Variants in CLSTN2 observed in about 807,000 individuals in gnomAD.
CLSTN2 encodes the protein calsyntenin 2.
CLSTN2 carries 48 observed loss-of-function variants against 101.2 expected under a neutral mutation model. The observed-to-expected ratio is 0.47, with a 90% CI of 0.38 to 0.60. The LOEUF is 0.60. Among genes scored for constraint, CLSTN2 ranks in the 20% least tolerant of loss-of-function variants. The pLI is 0.00. For synonymous variants in CLSTN2, 481 were observed against 463.6 expected, an observed-to-expected ratio of 1.04 and a Z score of -0.48; for missense variants, 1,160 against 1,238.2, an observed-to-expected ratio of 0.94 and a Z score of 0.95.
At chr3:140,520,712 T>C (rs1175141194) in intron 8 of CLSTN2, among the ~76,000 whole-genome samples, 2 of 152,214 alleles carry the variant, frequency 1.3e-5, no homozygotes, top group African/African-American at 4.8e-5. Context: ...TTTGCCTGTC[T>C]TGCTAGGTTT....
chr3:140,208,801 G>C (rs2010817112), intron 2 of CLSTN2, among the ~76,000 whole-genome samples: 1 of 152,060 alleles, frequency 6.6e-6, no homozygotes, highest in African/African-American at 2.4e-5. Context: ...CCACATAAAG[G>C]CCGTGTGACT....
chr3:139,993,455 G>C (rs1936150293), intron 1 of CLSTN2, among the ~76,000 whole-genome samples: 1 of 152,176 alleles, frequency 6.6e-6, no homozygotes, highest in South Asian at 2.1e-4. Flanking sequence ...GCAAGGAAGA[G>C]GAGGGGTGAA....
chr3:140,249,986 A>T (rs2086548485), intron 2 of CLSTN2, among the ~76,000 whole-genome samples: 1 of 152,196 alleles, frequency 6.6e-6, no homozygotes, highest in Non-Finnish European at 1.5e-5. Flanking sequence ...AAAGACAAGT[A>T]TTATGACCTC....
At chr3:140,093,438 T>G (rs2008815192) in intron 1 of CLSTN2, among the ~76,000 whole-genome samples, 1 of 152,116 alleles carries the variant, frequency 6.6e-6, no homozygotes. Flanking sequence ...CCCTTCTCAC[T>G]TGTACCCTGG....
intron 1 of CLSTN2, among the ~76,000 whole-genome samples, chr3:140,001,906 A>G (rs533909320): frequency 1.3e-5 from 2 of 152,312 alleles, no homozygotes; most frequent in Middle Eastern, 3.4e-3. Context: ...TATTTCACTT[A>G]CATAATGACC....
chr3:139,983,083 C>T (rs953634453), intron 1 of CLSTN2, among the ~76,000 whole-genome samples: 6 of 151,784 alleles, frequency 4.0e-5, no homozygotes, highest in Non-Finnish European at 7.4e-5. Flanking sequence ...CAAATAAAAA[C>T]GTCAGAGATC....
intron 1 of CLSTN2, among the ~76,000 whole-genome samples, chr3:140,058,308 T>C (rs539428012): frequency 6.6e-6 from 1 of 152,252 alleles, no homozygotes; most frequent in East Asian, 1.9e-4. Flanking sequence ...AAAGCCCTCA[T>C]CTGGCCTAGT....
chr3:140,195,539 T>C (rs2010631697), intron 2 of CLSTN2, among the ~76,000 whole-genome samples: 1 of 152,016 alleles, frequency 6.6e-6, no homozygotes, highest in Non-Finnish European at 1.5e-5. Flanking sequence ...AAAAGAATGG[T>C]TATGAGAAAA....
intron 6 of CLSTN2, among the ~76,000 whole-genome samples, chr3:140,455,402 G>A (rs1933373645): frequency 6.6e-6 from 1 of 152,230 alleles, no homozygotes; most frequent in Admixed American, 6.5e-5. Flanking sequence ...AAGAAGTTCA[G>A]ACAGTAACTG....
chr3:140,023,614 G>T (rs116124648), intron 1 of CLSTN2, among the ~76,000 whole-genome samples: 1 of 152,062 alleles, frequency 6.6e-6, no homozygotes, highest in African/African-American at 2.4e-5. Flanking sequence ...ACCCTCCAAG[G>T]GGGGAGCTGC....
At chr3:140,235,090 T>C (rs904838845) in intron 2 of CLSTN2, among the ~76,000 whole-genome samples, 57 of 152,334 alleles carry the variant, frequency 3.7e-4, no homozygotes, top group African/African-American at 1.3e-3. Flanking sequence ...AAAATAGGAA[T>C]AATATTAATT....
intron 4 of CLSTN2, among the ~76,000 whole-genome samples, chr3:140,418,761 C>T (rs905244300): frequency 3.3e-5 from 5 of 151,996 alleles, no homozygotes; most frequent in Non-Finnish European, 7.4e-5. Context: ...TGTTATCTGC[C>T]CACCTCAGCC....
chr3:140,380,347 C>T (rs1203717797), intron 2 of CLSTN2, among the ~76,000 whole-genome samples: 1 of 152,156 alleles, frequency 6.6e-6, no homozygotes, highest in Non-Finnish European at 1.5e-5. Context: ...ACAAATGGTG[C>T]CCTCGTGTGT....
intron 5 of CLSTN2, among the ~76,000 whole-genome samples, chr3:140,423,446 A>T (rs1316805750): frequency 6.6e-6 from 1 of 152,194 alleles, no homozygotes; most frequent in Non-Finnish European, 1.5e-5. Flanking sequence ...TTGGTTAAAA[A>T]AATGTACCTT....
chr3:140,380,433 G>T (rs1197093991), intron 2 of CLSTN2, among the ~76,000 whole-genome samples: 2 of 152,176 alleles, frequency 1.3e-5, no homozygotes, highest in African/African-American at 2.4e-5. Flanking sequence ...CACTAACAAT[G>T]AAATAATAAC....
chr3:140,042,258 A>G (rs1363846767), intron 1 of CLSTN2, among the ~76,000 whole-genome samples: 1 of 152,228 alleles, frequency 6.6e-6, no homozygotes, highest in Non-Finnish European at 1.5e-5. Flanking sequence ...CCCAGCAGCC[A>G]CTAATCTACT....
At chr3:140,543,217 A>T (rs1300497872) in intron 9 of CLSTN2, among the ~76,000 whole-genome samples, 1 of 152,124 alleles carries the variant, frequency 6.6e-6, no homozygotes, top group Non-Finnish European at 1.5e-5. Context: ...TGCCCTGGAG[A>T]GGAGCAGCTC....
intron 1 of CLSTN2, among the ~76,000 whole-genome samples, chr3:140,166,141 C>T (rs887083577): frequency 6.6e-6 from 1 of 152,198 alleles, no homozygotes; most frequent in African/African-American, 2.4e-5. Flanking sequence ...TGAATGCTAG[C>T]CCCAACTCCC....
intron 4 of CLSTN2, among the ~76,000 whole-genome samples, chr3:140,408,399 G>T (rs545857624): frequency 1.3e-4 from 20 of 152,102 alleles, no homozygotes; most frequent in African/African-American, 4.8e-4. Flanking sequence ...CAGCCATGTC[G>T]CAGGAGCCAC....
Sources: allele counts gnomAD v4.1 joint callset (sites outside exome capture counted in the v4.1 genomes callset), GRCh38; gene constraint gnomAD v4.1.1; transcripts MANE v1.5; gene names NCBI Gene and HGNC (gene_info 2026-07-23, HGNC 2026-07-21).